Variants in IFT140 observed in about 807,000 individuals in gnomAD.
IFT140 encodes intraflagellar transport protein 140 homolog.
IFT140 carries 133 observed loss-of-function variants against 164.6 expected under a neutral mutation model. That is an observed-to-expected ratio of 0.81 (90% CI 0.70 to 0.93). IFT140 has a LOEUF of 0.93. Among genes scored for constraint, IFT140 ranks in the 40% least tolerant of loss-of-function variants. IFT140 has a pLI of 0.00. For synonymous variants in IFT140, 860 were observed against 817.3 expected, an observed-to-expected ratio of 1.05 and a Z score of -0.89; for missense variants, 2,045 against 1,972.3, an observed-to-expected ratio of 1.04 and a Z score of -0.70.
At chr16:1,598,333 C>T (rs1479380740) in intron 4 of IFT140, among the ~76,000 whole-genome samples, 1 of 152,040 alleles carries the variant, frequency 6.6e-6, no homozygotes, top group African/African-American at 2.4e-5. Flanking sequence ...TGGCGGGCAC[C>T]TGTAGTCCCA....
At chr16:1,525,009 A>C in intron 22 of IFT140, 93 bp from the exon 23 acceptor site, 1 of 1,493,756 alleles carries the variant, frequency 6.7e-7, no homozygotes, top group Non-Finnish European at 9.0e-7. Context: ...CTTAGAGTGC[A>C]TGTCACCTGA....
At chr16:1,586,310 T>TAA in intron 9 of IFT140, 35 bp from the exon 10 acceptor site, 3 of 1,581,988 alleles carry the variant, frequency 1.9e-6, no homozygotes, top group African/African-American at 2.7e-5. Context: ...TGAACAGAGT[T>TAA]AAAAAAAGGG....
At position 1,523,717 on chromosome 16, in the gene IFT140, C is replaced by A. The variant is rs1297843458; in HGVS notation, c.3271-17G>T. On this transcript the variant is annotated splice_polypyrimidine_tract_variant and intron_variant, in intron 25 of 30. Coordinates refer to ENST00000426508, the MANE Select transcript of IFT140 (RefSeq NM_014714.4). The stretch of plus-strand genomic sequence containing the variant: ...GTGGCCAGCCTGCGGATACGGTGGG[C>A]TCTGAGCAGCTGCCCGAGGCCTGGG... The A allele has an allele frequency of 1.9e-6, 3 of 1,609,742 alleles. No homozygotes were observed. In the African/African-American group the frequency reaches 4.0e-5, roughly 22 times the overall value.
chr16:1,576,841 T>C (rs893614089), intron 13 of IFT140: 2 of 152,174 alleles, frequency 1.3e-5, no homozygotes, highest in Non-Finnish European at 2.9e-5. Context: ...CGATCTGCAA[T>C]CATAACTGCA....
At chr16:1,520,523 G>T in intron 27 of IFT140, 79 bp downstream of exon 27, 1 of 1,446,162 alleles carries the variant, frequency 6.9e-7, no homozygotes. Flanking sequence ...CATCACGAAG[G>T]CAAATGGAGA....
chr16:1,561,064 G>C (rs1467956796), intron 18 of IFT140, among the ~76,000 whole-genome samples: 1 of 152,220 alleles, frequency 6.6e-6, no homozygotes, highest in Non-Finnish European at 1.5e-5. Context: ...CGCCAGCTGG[G>C]ACGTGAGTCT....
chr16:1,543,840 C>G (rs2141310417), intron 19 of IFT140, among the ~76,000 whole-genome samples: 1 of 152,236 alleles, frequency 6.6e-6, no homozygotes, highest in African/African-American at 2.4e-5. Flanking sequence ...CCAATCTCTA[C>G]CGCGTGCAGG....
Position 1,607,123 on chromosome 16 carries a change from C to T in IFT140, c.144G>A (p.Glu48=). ...CTCCTTGCTTCTGAGCACTCACTTG[C>T]TCCAGGTAAATATCCACGCTGCCTG... ...TSTGSVDIYL[E]QGECVPDTHV... Residue 48 remains glutamate, a synonymous_variant, in exon 3 of 31, where the codon GAG becomes GAA. Coordinates refer to ENST00000426508, the MANE Select transcript of IFT140 (RefSeq NM_014714.4). The T allele has an allele frequency of 6.2e-7, 1 of 1,614,002 alleles. No homozygotes were observed. Among genetic ancestry groups the T allele is most frequent in the Non-Finnish European group, 8.5e-7 (1 of 1,179,910 alleles).
intron 19 of IFT140, chr16:1,541,531 T>C: frequency 1.0e-6 from 1 of 984,000 alleles, no homozygotes; most frequent in Non-Finnish European, 1.2e-6. Context: ...GTGAATTCAG[T>C]GACAGGGAAG....
intron 8 of IFT140, among the ~76,000 whole-genome samples, chr16:1,587,581 C>T (rs2034953451): frequency 6.6e-6 from 1 of 152,180 alleles, no homozygotes; most frequent in Admixed American, 6.5e-5. Flanking sequence ...CGAGATGGCC[C>T]CGGACAGCAC....
At chr16:1,522,687 A>G (rs1222701573) in intron 26 of IFT140, among the ~76,000 whole-genome samples, 3 of 152,006 alleles carry the variant, frequency 2.0e-5, no homozygotes, top group African/African-American at 7.3e-5. Context: ...AAAATACAAA[A>G]ATTAGCTGGG....
chr16:1,587,598 C>G (rs920894379), intron 8 of IFT140, among the ~76,000 whole-genome samples: 1 of 152,230 alleles, frequency 6.6e-6, no homozygotes, highest in Non-Finnish European at 1.5e-5. Flanking sequence ...GCACACTGAG[C>G]TAACGCAGCA....
intron 19 of IFT140, among the ~76,000 whole-genome samples, chr16:1,556,388 G>A (rs762173696): frequency 2.0e-5 from 3 of 152,256 alleles, no homozygotes; most frequent in Admixed American, 6.5e-5. Context: ...CTGGCCTGGC[G>A]CCTCCTCTGC....
In IFT140 at chr16:1,564,046, T is replaced by C. The variant is rs907509581; in HGVS notation, c.2018A>G (p.Gln673Arg). ...GGGCTGCCCGTTTGCAGACTGAGGC[T>C]GGGAGCGCGGCGTCTCCTGCACGGC... The part of the protein sequence containing the change: ...CEAVQETPRS[Q>R]PQSANGQPQD... Residue 673 changes from glutamine (Q) to arginine (R), a missense_variant, in exon 17 of 31, where the codon CAG becomes CGG. Transcript: ENST00000426508. This position sits in a 1 kb window ranked among gnomAD's most constrained non-coding sequence, Gnocchi z 5.5. The C allele has an allele frequency of 6.2e-7, 1 of 1,600,368 alleles. No individual in the cohort carries two copies. Among genetic ancestry groups the C allele is most frequent in the Non-Finnish European group, 8.6e-7 (1 of 1,169,212 alleles).
chr16:1,593,344 C>T (rs1596441783), intron 4 of IFT140, among the ~76,000 whole-genome samples: 1 of 151,178 alleles, frequency 6.6e-6, no homozygotes, highest in South Asian at 2.1e-4. Context: ...TGGAGTCTCA[C>T]TTTGTCACTC....
chr16:1,534,538 C>T (rs769845175), intron 19 of IFT140: 5 of 1,604,284 alleles, frequency 3.1e-6, no homozygotes, highest in Non-Finnish European at 4.2e-6. Flanking sequence ...TTCCAGGAGT[C>T]CCGAGGCACC....
intron 30 of IFT140, among the ~76,000 whole-genome samples, chr16:1,515,558 C>T (rs530516084): frequency 6.6e-6 from 1 of 152,088 alleles, no homozygotes; most frequent in Non-Finnish European, 1.5e-5. Flanking sequence ...AGGTGCATGC[C>T]ACCATGCCTT....
intron 29 of IFT140, 60 bp downstream of exon 29, chr16:1,519,821 C>T: frequency 6.9e-7 from 1 of 1,455,548 alleles, no homozygotes; most frequent in South Asian, 1.5e-5. Flanking sequence ...TTCTCGTGGT[C>T]AGCCCCGGCC....
chr16:1,529,217 A>G (rs969037054), intron 19 of IFT140, among the ~76,000 whole-genome samples: 1 of 152,212 alleles, frequency 6.6e-6, no homozygotes, highest in Non-Finnish European at 1.5e-5. Context: ...GTGTCTTAGC[A>G]GCAACCAACC....
Sources: allele counts gnomAD v4.1 joint callset (sites outside exome capture counted in the v4.1 genomes callset), GRCh38; gene constraint gnomAD v4.1.1; non-coding constraint Gnocchi (gnomAD v3.1); transcripts MANE v1.5; gene names NCBI Gene and HGNC (gene_info 2026-07-23, HGNC 2026-07-21).